The following ECSIT variants were observed in gnomAD, a reference collection of about 807,000 sequenced individuals.
ECSIT encodes evolutionarily conserved signaling intermediate in Toll pathway, mitochondrial.
Under a neutral mutation model 36.8 loss-of-function variants are expected in ECSIT, and 29 were observed. The observed-to-expected ratio is 0.79, with a 90% CI of 0.59 to 1.08. The LOEUF (loss-of-function observed/expected upper bound fraction) is 1.08. Ranked by LOEUF, ECSIT falls within the 50% of genes least tolerant of loss-of-function variation. ECSIT has a pLI of 0.00. For missense variants in ECSIT, 542 were observed against 581.0 expected, an observed-to-expected ratio of 0.93 and a Z score of 0.69; for synonymous variants, 231 against 234.8, an observed-to-expected ratio of 0.98 and a Z score of 0.15.
rs746532327 is a variant in ECSIT at position 11,506,326 on chromosome 19, G to A, written c.1154C>T (p.Ala385Val). 2.4e-5 allele frequency: 39 copies of A among 1,613,440 alleles called. No individual in the cohort carries two copies. Among genetic ancestry groups the A allele is most frequent in the Non-Finnish European group, 3.3e-5 (39 of 1,179,880 alleles). The change falls in exon 8 of 8, where the codon GCC (alanine) becomes GTC (valine). Residue 385 changes from alanine (A) to valine (V), a missense_variant. Ala to Val is a moderately conservative substitution (Grantham distance 64). Transcript: ENST00000270517. ...GAGGCGGAAGACCACGGGGATCTGG[G>A]CCAGGGTTGGGTTGGTCTCCTGCAG... ...QGLQETNPTL[A>V]QIPVVFRLAG... is the part of the protein sequence containing the mutation.
chr19:11,509,584 A>G (rs1971828689), intron 4 of ECSIT, among the ~76,000 whole-genome samples: 3 of 150,886 alleles, frequency 2.0e-5, no homozygotes, highest in Non-Finnish European at 4.4e-5. Flanking sequence ...CCTGGCCAAC[A>G]TGGTGAAACC....
intron 1 of ECSIT, chr19:11,523,873 A>G (rs1206341274): frequency 2.1e-6 from 1 of 484,078 alleles, no homozygotes; most frequent in African/African-American, 2.0e-5. Flanking sequence ...AAGTTAATTG[A>G]CTGTTATGTA....
chr19:11,522,523 C>G (rs1972126668), intron 1 of ECSIT: 1 of 880,002 alleles, frequency 1.1e-6, no homozygotes, highest in African/African-American at 1.7e-5. Flanking sequence ...CCCAGGTGTG[C>G]CCCACGTAAA....
chr19:11,508,383 A>ATTTTTTTTTTTTTTTTTTTTTTT (rs34929827), intron 4 of ECSIT, among the ~76,000 whole-genome samples: 15 of 124,046 alleles, frequency 1.2e-4, no homozygotes, highest in Admixed American at 1.6e-4. Context: ...CTTAATTCCG[A>ATTTTTTTTTTTTTTTTTTTTTTT]TTTTTTTTTT....
chr19:11,517,638 G>A (rs924788512), intron 2 of ECSIT, among the ~76,000 whole-genome samples: 3 of 151,988 alleles, frequency 2.0e-5, no homozygotes, highest in Non-Finnish European at 4.4e-5. Flanking sequence ...TAATAATATA[G>A]GTGGTGTAGT....
chr19:11,513,130 C>A lies in ECSIT; in HGVS notation c.664G>T (p.Asp222Tyr). 1 of 1,614,192 alleles carries A rather than the reference C, an allele frequency of 6.2e-7. No individual in the cohort carries two copies. Among genetic ancestry groups the A allele is most frequent in the Non-Finnish European group, 8.5e-7 (1 of 1,180,042 alleles). The part of the protein sequence containing the change: ...PFPVPRDLPQ[D>Y]PVELAMFGLR... The stretch of plus-strand genomic sequence containing the variant: ...CCAAACATGGCCAGCTCCACAGGGT[C>A]CTGGGGCAGGTCCCGGGGCACTGGG... The change falls in exon 4 of 8, where the codon GAC becomes TAC. Residue 222 changes from aspartate (D) to tyrosine (Y), a missense_variant. Transcript: ENST00000270517.
chr19:11,522,542 C>T (rs896761095), intron 1 of ECSIT: 15 of 729,476 alleles, frequency 2.1e-5, no homozygotes, highest in African/African-American at 5.4e-5. Context: ...AACTCAGGAA[C>T]GCCCCGGTAA....
chr19:11,519,687 G>A lies in ECSIT; in HGVS notation c.-23-494C>T, dbSNP rs1387989450. 6.6e-6 allele frequency among the ~76,000 whole-genome samples: 1 copy of A among 151,996 alleles called. No individual in the cohort carries two copies. Among genetic ancestry groups the A allele is most frequent in the African/African-American group, 2.4e-5 (1 of 41,400 alleles). ...ACTCCAACAAGAATCCCTGTACCTG[G>A]CCAGGCGCGGTGGCTCACGCCTGTA... On this transcript the variant is annotated intron_variant, in intron 1 of 7. Transcript: ENST00000270517. The surrounding 1 kb of genome is among the most constrained non-coding windows in gnomAD (Gnocchi z 4.4).
In ECSIT at chr19:11,524,332, G is replaced by A. The variant is rs542009732; in HGVS notation, c.-24+4730C>T. Among the ~76,000 whole-genome samples the A allele has an allele frequency of 3.9e-5, 6 of 152,164 alleles. No individual in the cohort carries two copies. The East Asian group carries it at 9.7e-4, about 25-fold the overall frequency. The stretch of plus-strand genomic sequence containing the variant: ...AGGTCAAGAGATCGAGACTATCCTG[G>A]CCAACATTGTGAAACCCCATCTCTA... On this transcript the variant is annotated intron_variant, in intron 1 of 7. Transcript: ENST00000270517.
chr19:11,513,778 AC>A (rs1971926160), intron 3 of ECSIT, 25 bp downstream of exon 3: 1 of 1,612,950 alleles, frequency 6.2e-7, no homozygotes. Flanking sequence ...CCCACTCCCC[AC>A]CCTGCGCCAG....
chr19:11,523,847 G>A (rs998540761), intron 1 of ECSIT: 8 of 552,492 alleles, frequency 1.4e-5, no homozygotes, highest in Non-Finnish European at 2.7e-5. Flanking sequence ...TAAATCTTTG[G>A]CTCACATAAA....
Position 11,510,943 on chromosome 19 carries a change from C to A in ECSIT, c.738+2113G>T, listed in dbSNP as rs527516478. On this transcript the variant is annotated intron_variant, in intron 4 of 7. Coordinates refer to ENST00000270517, the MANE Select transcript of ECSIT (RefSeq NM_016581.5). ...CCTTCTTCTTAAATCTCTGCCCCCC[C>A]ACCCCCGGCATAGCTCTCCCCACCA... 2.6e-5 allele frequency among the ~76,000 whole-genome samples: 4 copies of A among 152,040 alleles called. No individual in the cohort carries two copies. The East Asian group carries it at 5.8e-4, about 22-fold the overall frequency.
chr19:11,513,021 G>A lies in ECSIT; in HGVS notation c.738+35C>T, dbSNP rs766524178. 7 of 1,601,400 alleles carry A rather than the reference G, an allele frequency of 4.4e-6. No homozygotes were observed. The African/African-American group carries it at 9.4e-5, about 21-fold the overall frequency. ...GGAGGAATGGCGGGAGCCTGGCCTG[G>A]GGTGGCAGCTGACGCTGTAGACAAG... is the stretch of plus-strand genomic sequence containing the variant. On this transcript the variant is annotated intron_variant, in intron 4 of 7. Coordinates refer to ENST00000270517, the MANE Select transcript of ECSIT (RefSeq NM_016581.5).
chr19:11,527,833 T>C lies in ECSIT; in HGVS notation c.-24+1229A>G, dbSNP rs376033601. Among the ~76,000 whole-genome samples the C allele has an allele frequency of 5.9e-5, 9 of 152,202 alleles. No individual in the cohort carries two copies. The East Asian group carries it at 1.5e-3, about 26-fold the overall frequency. On this transcript the variant is annotated intron_variant, in intron 1 of 7. Coordinates refer to ENST00000270517, the MANE Select transcript of ECSIT (RefSeq NM_016581.5). ...AGCAGGACACGATCTTTACAAAAATTATTTTAAAAAATTAGCTGGACCTGG... is the reference window on the plus strand; with the variant it reads ...AGCAGGACACGATCTTTACAAAAATCATTTTAAAAAATTAGCTGGACCTGG...
chr19:11,509,069 ATTTTT>A (rs140542540), intron 4 of ECSIT, among the ~76,000 whole-genome samples: 1 of 136,590 alleles, frequency 7.3e-6, no homozygotes, highest in Admixed American at 7.4e-5. Context: ...ACACTAGACA[ATTTTT>A]TTTTTTTTTT....
rs767208791 is a variant in ECSIT at position 11,505,957 on chromosome 19, T to C, written c.*227A>G. The C allele has an allele frequency of 8.6e-6, 8 of 927,572 alleles. No individual in the cohort carries two copies. Among genetic ancestry groups the C allele is most frequent in the South Asian group, 5.4e-5 (3 of 55,732 alleles). 57.5% of individuals were successfully genotyped at this position (927,572 alleles called of 1,614,324 possible). On this transcript the variant is annotated 3_prime_UTR_variant, in exon 8 of 8. Transcript: ENST00000270517. The stretch of plus-strand genomic sequence containing the variant: ...GCACAACCAACAGCGCTCCCGCCCC[T>C]TTTTATTTGAATTCGGAGAACCAGA...
intron 4 of ECSIT, among the ~76,000 whole-genome samples, chr19:11,512,146 ACCAG>A (rs1463943740): frequency 6.6e-6 from 1 of 151,780 alleles, no homozygotes; most frequent in Non-Finnish European, 1.5e-5. Context: ...CGAGTTTGAG[ACCAG>A]CCTGGGCAAC....
rs1004189426 is a variant in ECSIT, at chr19:11,519,627, T to G, written c.-23-434A>C. 6.6e-6 allele frequency among the ~76,000 whole-genome samples: 1 copy of G among 152,056 alleles called. No individual in the cohort carries two copies. The highest frequency in any genetic ancestry group is 2.4e-5 in the African/African-American group (1 of 41,420). On this transcript the variant is annotated intron_variant, in intron 1 of 7. Transcript: ENST00000270517. This position sits in a 1 kb window ranked among gnomAD's most constrained non-coding sequence, Gnocchi z 4.4. ...GATCATGGGTGTGAGCCAGCACTCC[T>G]AGCCACTACAATCTAATTTTACAAA...
At position 11,519,205 on chromosome 19, in the gene ECSIT, G is replaced by A. The variant is rs749944634; in HGVS notation, c.-23-12C>T. The A allele has an allele frequency of 2.9e-4, 449 of 1,527,030 alleles. No homozygotes were observed. Among genetic ancestry groups the A allele is most frequent in the Non-Finnish European group, 3.6e-4 (405 of 1,129,362 alleles). The allele number at this position is 1,527,030 out of a possible 1,614,324, so 94.6% of individuals were successfully genotyped here. On this transcript the variant is annotated splice_polypyrimidine_tract_variant and intron_variant, in intron 1 of 7. Transcript: ENST00000270517. The surrounding 1 kb of genome is among the most constrained non-coding windows in gnomAD (Gnocchi z 4.4). ...TGTCAGACAATCACCTGGCCCAAAA[G>A]AAGATTCAGCATTAGCCTGGCACCT... is the stretch of plus-strand genomic sequence containing the variant.
Sources: allele counts gnomAD v4.1 joint callset (sites outside exome capture counted in the v4.1 genomes callset), GRCh38; gene constraint gnomAD v4.1.1; non-coding constraint Gnocchi (gnomAD v3.1); transcripts MANE v1.5; gene names NCBI Gene and HGNC (gene_info 2026-07-23, HGNC 2026-07-21).